LPP: variants seen among roughly 807,000 people sequenced by gnomAD.
LPP encodes lipoma-preferred partner.
Under a neutral mutation model 60.4 loss-of-function variants are expected in LPP, and 38 were observed. The ratio of observed to expected loss-of-function variants is 0.63; its 90% CI spans 0.49 to 0.83. The LOEUF is 0.83. Ranked by LOEUF, LPP falls within the 40% of genes least tolerant of loss-of-function variation. The pLI is 0.00. For missense variants in LPP, 902 were observed against 783.6 expected, an observed-to-expected ratio of 1.15 and a Z score of -1.80; for synonymous variants, 328 against 290.8, an observed-to-expected ratio of 1.13 and a Z score of -1.30.
At chr3:188,269,850 G>A (rs898259646) in intron 2 of LPP, among the ~76,000 whole-genome samples, 2 of 152,144 alleles carry the variant, frequency 1.3e-5, no homozygotes, top group African/African-American at 4.8e-5. Flanking sequence ...GTTTCACCAT[G>A]TTGGCCAGGC....
chr3:188,613,261 CCTATATCTATATCTATAT>C (rs61366207), intron 7 of LPP, among the ~76,000 whole-genome samples: 66 of 117,352 alleles, frequency 5.6e-4, no homozygotes, highest in African/African-American at 1.8e-3. Context: ...TATATCTATA[CCTATATCTATATCTATAT>C]CTATATCTAT....
At chr3:188,732,118 GGAA>G (rs1720836107) in intron 8 of LPP, among the ~76,000 whole-genome samples, 1 of 152,140 alleles carries the variant, frequency 6.6e-6, no homozygotes, top group Non-Finnish European at 1.5e-5. Flanking sequence ...AAACTTTCAT[GGAA>G]TACACAAAAG....
intron 9 of LPP, among the ~76,000 whole-genome samples, chr3:188,810,818 G>T (rs1325435104): frequency 6.6e-6 from 1 of 151,896 alleles, no homozygotes; most frequent in Non-Finnish European, 1.5e-5. Context: ...TGGGAGTGGT[G>T]CTCCTTTCAT....
chr3:188,573,466 A>G (rs1833947701), intron 6 of LPP, among the ~76,000 whole-genome samples: 1 of 152,000 alleles, frequency 6.6e-6, no homozygotes, highest in African/African-American at 2.4e-5. Flanking sequence ...ATCTTCAGAA[A>G]CCAGGGGCCC....
At chr3:188,408,808 A>C (rs368086199) in intron 4 of LPP, among the ~76,000 whole-genome samples, 2 of 150,010 alleles carry the variant, frequency 1.3e-5, no homozygotes, top group African/African-American at 4.9e-5. Context: ...GACATTCTCT[A>C]TGATTTGCTT....
At chr3:188,259,508 A>G (rs1034276181) in intron 2 of LPP, among the ~76,000 whole-genome samples, 10 of 152,322 alleles carry the variant, frequency 6.6e-5, no homozygotes, top group African/African-American at 2.2e-4. Flanking sequence ...TCCACACTGC[A>G]TTGAGCAGGA....
At chr3:188,259,023 C>T (rs1232807374) in intron 2 of LPP, among the ~76,000 whole-genome samples, 2 of 152,168 alleles carry the variant, frequency 1.3e-5, no homozygotes, top group Non-Finnish European at 2.9e-5. Context: ...TGCTGTCTTC[C>T]CTTGTAATCT....
rs1439238410 is a variant in LPP at position 188,884,631 on chromosome 3, G to C, written c.*10152G>C. On this transcript the variant is annotated 3_prime_UTR_variant, in exon 12 of 12. Coordinates refer to ENST00000617246, the MANE Select transcript of LPP (RefSeq NM_001375462.1). ...ATTCACCAAAAACCTCTCTGGAACT[G>C]TCAGGTTCAGAATATCAACCAAGAC... The C allele has an allele frequency of 4.3e-6, 1 of 229,980 alleles. No individual in the cohort carries two copies. Among genetic ancestry groups the C allele is most frequent in the Non-Finnish European group, 8.6e-6 (1 of 116,010 alleles). The allele number at this position is 229,980 out of a possible 1,614,324, so 14.2% of individuals were successfully genotyped here.
chr3:188,314,650 G>A (rs368272603), intron 2 of LPP, among the ~76,000 whole-genome samples: 3 of 151,734 alleles, frequency 2.0e-5, no homozygotes, highest in Admixed American at 1.3e-4. Context: ...GTGAAATCTC[G>A]TCTCTAATGA....
intron 6 of LPP, among the ~76,000 whole-genome samples, chr3:188,540,347 G>A (rs922267631): frequency 5.3e-5 from 8 of 152,018 alleles, no homozygotes; most frequent in African/African-American, 9.7e-5. Context: ...TTTAACATTC[G>A]GTTGGAGTTG....
intron 5 of LPP, among the ~76,000 whole-genome samples, chr3:188,492,251 CTA>C (rs1808594577): frequency 6.6e-6 from 1 of 152,112 alleles, no homozygotes; most frequent in South Asian, 2.1e-4. Context: ...TTAAGTGAGA[CTA>C]TAGTTGGTTC....
chr3:188,506,858 C>T (rs1434603895), intron 5 of LPP, among the ~76,000 whole-genome samples: 4 of 152,094 alleles, frequency 2.6e-5, no homozygotes, highest in Admixed American at 2.0e-4. Flanking sequence ...AGTGCAGTGG[C>T]GCAATCTCGG....
chr3:188,233,849 C>T (rs7635718), intron 2 of LPP, among the ~76,000 whole-genome samples: 2,591 of 152,160 alleles, frequency 0.017, 66 homozygotes, highest in African/African-American at 0.056. Context: ...TCATTTTCTT[C>T]GCTCCCAATC....
chr3:188,554,018 T>C (rs1828856785), intron 6 of LPP: 1 of 152,166 alleles, frequency 6.6e-6, no homozygotes, highest in Non-Finnish European at 1.5e-5. Context: ...TTTTTAAAGG[T>C]CATCTCTATT....
rs557065529 is a variant in LPP at position 188,866,696 on chromosome 3, A to G, written c.1589+318A>G. On this transcript the variant is annotated intron_variant, in intron 10 of 11. Coordinates refer to ENST00000617246, the MANE Select transcript of LPP (RefSeq NM_001375462.1). ...AAAGAAACAGGATCCTGGCCTAAAT[A>G]TGAACAAAATTTGTGACATTTGGCA... is the stretch of plus-strand genomic sequence containing the variant. Among the ~76,000 whole-genome samples the G allele has an allele frequency of 3.9e-5, 6 of 152,264 alleles. No individual in the cohort carries two copies. In the South Asian group the frequency reaches 1.2e-3, roughly 32 times the overall value.
chr3:188,332,742 G>A (rs1450086637), intron 2 of LPP, among the ~76,000 whole-genome samples: 2 of 152,136 alleles, frequency 1.3e-5, no homozygotes, highest in South Asian at 2.1e-4. Flanking sequence ...GAACATTTTT[G>A]CATTAAGAAG....
intron 3 of LPP, among the ~76,000 whole-genome samples, chr3:188,360,694 G>A (rs1428002853): frequency 6.6e-6 from 1 of 152,044 alleles, no homozygotes; most frequent in Admixed American, 6.6e-5. Flanking sequence ...GATCTCAGAA[G>A]CTCCATCATC....
Position 188,284,430 on chromosome 3 carries a change from A to G in LPP, c.-66-57233A>G, listed in dbSNP as rs538948895. ...GGGAAGGATGGGCAGGAGAAATGGGATGGGACCCAGGAGGCCCAAGGGGGA... is the reference window on the plus strand; with the variant it reads ...GGGAAGGATGGGCAGGAGAAATGGGGTGGGACCCAGGAGGCCCAAGGGGGA... On this transcript the variant is annotated intron_variant, in intron 2 of 11. Coordinates refer to ENST00000617246, the MANE Select transcript of LPP (RefSeq NM_001375462.1). Among the ~76,000 whole-genome samples, 103 of 152,150 alleles carry G rather than the reference A, an allele frequency of 6.8e-4. 1 individual carries two copies. Among genetic ancestry groups the G allele is most frequent in the African/African-American group, 2.4e-3 (99 of 41,550 alleles).
intron 8 of LPP, among the ~76,000 whole-genome samples, chr3:188,756,392 G>C (rs1008644577): frequency 6.6e-6 from 1 of 152,174 alleles, no homozygotes; most frequent in South Asian, 2.1e-4. Context: ...CCCTGGGTCT[G>C]AGCTAATCAG....
Sources: allele counts gnomAD v4.1 joint callset (sites outside exome capture counted in the v4.1 genomes callset), GRCh38; gene constraint gnomAD v4.1.1; transcripts MANE v1.5; gene names NCBI Gene and HGNC (gene_info 2026-07-23, HGNC 2026-07-21).